The following RIPOR2 variants were observed in gnomAD, a reference collection of about 807,000 sequenced individuals.
The protein encoded by RIPOR2 is rho family-interacting cell polarization regulator 2.
RIPOR2 carries 39 observed loss-of-function variants against 114.5 expected under a neutral mutation model. That is an observed-to-expected ratio of 0.34 (90% CI 0.26 to 0.44). RIPOR2 has a LOEUF of 0.44. RIPOR2 is among the 20% of genes least tolerant of loss of function. The pLI is 1.00. For missense variants in RIPOR2, 1,007 were observed against 1,255.1 expected, an observed-to-expected ratio of 0.80 and a Z score of 2.99; for synonymous variants, 445 against 484.4, an observed-to-expected ratio of 0.92 and a Z score of 1.07.
rs75480593 is a variant in RIPOR2, at chr6:24,988,680, T to C, written c.76+53171A>G. ...TTCCCAACATCTGGTTGTGTGTGTGTGTGTGTGTGTTTATCATGCTTTTAG... is the reference window on the plus strand; with the variant it reads ...TTCCCAACATCTGGTTGTGTGTGTGCGTGTGTGTGTTTATCATGCTTTTAG... On this transcript the variant is annotated intron_variant, in intron 1 of 13. Coordinates refer to the RIPOR2 transcript ENST00000510784. Among the ~76,000 whole-genome samples the C allele has an allele frequency of 3.0e-3, 449 of 152,076 alleles. 4 individuals carry two copies. Among genetic ancestry groups the C allele is most frequent in the East Asian group, 0.018 (94 of 5,172 alleles).
Position 24,849,852 on chromosome 6 carries a change from G to A in RIPOR2, c.984C>T (p.Val328=), listed in dbSNP as rs746537183. The change falls in exon 11 of 22, where the codon GTC becomes GTT. Residue 328 remains valine (V), a synonymous_variant. Transcript: ENST00000643898. ...LFAARPQVVA[V]DINDLGTIKL... ...TGATGGTACCAAGGTCATTGATGTC[G>A]ACAGCCACTACCTGAGGTCGGGCTG... 1.7e-5 allele frequency: 27 copies of A among 1,613,694 alleles called. No homozygotes were observed. The highest frequency in any genetic ancestry group is 2.2e-5 in the East Asian group (1 of 44,896).
chr6:24,842,476 T>A (rs945381027), intron 13 of RIPOR2, among the ~76,000 whole-genome samples: 4 of 152,196 alleles, frequency 2.6e-5, no homozygotes, highest in African/African-American at 7.2e-5. Flanking sequence ...GACGGATAAC[T>A]CTGACTCCAA....
chr6:24,855,278 T>G (rs1409960494), intron 8 of RIPOR2, among the ~76,000 whole-genome samples: 2 of 152,130 alleles, frequency 1.3e-5, no homozygotes, highest in Admixed American at 1.3e-4. Context: ...ATCACATACC[T>G]TGGCAGGGAG....
chr6:24,847,936 C>T, intron 12 of RIPOR2, 89 bp downstream of exon 12: 2 of 1,542,688 alleles, frequency 1.3e-6, no homozygotes, highest in African/African-American at 1.4e-5. Flanking sequence ...TTACTAACTC[C>T]CAGCACTGTC....
intron 18 of RIPOR2, among the ~76,000 whole-genome samples, chr6:24,825,925 C>CTTTTTTTTTTTTTTTTTTTTTTCTTT: frequency 7.9e-6 from 1 of 126,300 alleles, no homozygotes; most frequent in Non-Finnish European, 1.6e-5. Flanking sequence ...ATGTTTTTCT[C>CTTTTTTTTTTTTTTTTTTTTTTCTTT]TTTTTTTTTT....
At chr6:24,918,771 A>T (rs2114098621) in intron 1 of RIPOR2, among the ~76,000 whole-genome samples, 1 of 152,300 alleles carries the variant, frequency 6.6e-6, no homozygotes, top group African/African-American at 2.4e-5. Context: ...AAGGGAACAC[A>T]CACCGAAGCC....
chr6:24,878,298 A>T (rs1250982852), intron 1 of RIPOR2, among the ~76,000 whole-genome samples: 3 of 152,126 alleles, frequency 2.0e-5, no homozygotes, highest in African/African-American at 7.2e-5. Flanking sequence ...TAGGTTCATA[A>T]AGCATGCCTG....
chr6:25,001,809 C>T (rs1195395465), intron 1 of RIPOR2, among the ~76,000 whole-genome samples: 12 of 150,272 alleles, frequency 8.0e-5, no homozygotes, highest in Non-Finnish European at 1.6e-4. Flanking sequence ...AAGTGATTCT[C>T]CTGCCTCAGC....
intron 11 of RIPOR2, among the ~76,000 whole-genome samples, chr6:24,849,419 T>C (rs535950830): frequency 1.3e-5 from 2 of 152,358 alleles, no homozygotes; most frequent in Non-Finnish European, 2.9e-5. Flanking sequence ...AATCAGGATT[T>C]TTCTGAGGTC....
At chr6:24,897,631 A>T (rs1007139676) in intron 1 of RIPOR2, among the ~76,000 whole-genome samples, 3 of 152,254 alleles carry the variant, frequency 2.0e-5, no homozygotes, top group Non-Finnish European at 4.4e-5. Flanking sequence ...TCTAAACTTT[A>T]CATGTGTATG....
chr6:24,994,762 T>C (rs557281484), intron 1 of RIPOR2, among the ~76,000 whole-genome samples: 14 of 152,186 alleles, frequency 9.2e-5, no homozygotes, highest in African/African-American at 3.4e-4. Context: ...ACCATGAAAC[T>C]TGCATACCAG....
At chr6:24,842,518 CCT>C (rs757328566) in intron 13 of RIPOR2, among the ~76,000 whole-genome samples, 1 of 152,172 alleles carries the variant, frequency 6.6e-6, no homozygotes, top group Non-Finnish European at 1.5e-5. Flanking sequence ...TTCCCGACCC[CCT>C]GAGAGGGATC....
At chr6:24,894,880 T>C (rs1767708341) in intron 1 of RIPOR2, among the ~76,000 whole-genome samples, 1 of 152,158 alleles carries the variant, frequency 6.6e-6, no homozygotes, top group Admixed American at 6.5e-5. Flanking sequence ...AGAGATGGAT[T>C]TAATGGGTTT....
chr6:24,876,945 A>C (rs1457712644), intron 1 of RIPOR2: 1 of 984,060 alleles, frequency 1.0e-6, no homozygotes, highest in Non-Finnish European at 1.2e-6. Context: ...GAGTCAAAGC[A>C]CATACCATTG....
rs1017895914 is a variant in RIPOR2, at chr6:24,976,590, T to G, written c.76+65261A>C. On this transcript the variant is annotated intron_variant, in intron 1 of 13. Transcript: ENST00000510784. ...ACAAGGTCCCAAAGACAGCAGAAAA[T>G]TTTCGTGCTCTGAGCACTGGAGAGA... The G allele has an allele frequency of 5.9e-5, 95 of 1,605,034 alleles. 1 individual carries two copies. The highest frequency in any genetic ancestry group is 2.7e-4 in the Admixed American group (16 of 59,980).
At chr6:24,990,582 T>C (rs551917832) in intron 1 of RIPOR2, among the ~76,000 whole-genome samples, 39 of 152,386 alleles carry the variant, frequency 2.6e-4, no homozygotes, top group African/African-American at 9.1e-4. Context: ...TTGTCTACTA[T>C]GACCATGATG....
At position 25,022,532 on chromosome 6, in the gene RIPOR2, A is replaced by ATTTTTTTTTTTTTTTTTTT. The variant is rs10564019; in HGVS notation, c.76+19300_76+19318dup. On this transcript the variant is annotated intron_variant, in intron 1 of 13. Transcript: ENST00000510784. ...ACATATAACTAATGTGGTACCTTCC[A>ATTTTTTTTTTTTTTTTTTT]TTTTTTTTTTTTTTTTTTTTTTTTT... Among the ~76,000 whole-genome samples the ATTTTTTTTTTTTTTTTTTT allele has an allele frequency of 5.4e-4, 22 of 40,988 alleles. 2 individuals are homozygous for ATTTTTTTTTTTTTTTTTTT. Among genetic ancestry groups the ATTTTTTTTTTTTTTTTTTT allele is most frequent in the Non-Finnish European group, 9.7e-4 (20 of 20,702 alleles). 26.9% of individuals were successfully genotyped at this position (40,988 alleles called of 152,430 possible).
Position 24,843,054 on chromosome 6 carries a change from C to T in RIPOR2, c.1665G>A (p.Val555=), listed in dbSNP as rs756838134. Residue 555 remains valine (V), a synonymous_variant, in exon 13 of 22, where the codon GTG becomes GTA. Transcript: ENST00000643898. The part of the protein sequence containing the change: ...QLVKRLTSAE[V]PMATDRLLSE... The stretch of plus-strand genomic sequence containing the variant: ...AGAGCAGCCTGTCTGTGGCCATTGG[C>T]ACCTCTGCAGATGTGAGCCTCTTGA... The T allele has an allele frequency of 1.5e-5, 24 of 1,613,232 alleles. No homozygotes were observed. The highest frequency in any genetic ancestry group is 2.0e-5 in the Non-Finnish European group (23 of 1,179,340).
intron 11 of RIPOR2, 32 bp downstream of exon 11, chr6:24,849,770 C>T: frequency 6.3e-7 from 1 of 1,586,202 alleles, no homozygotes; most frequent in Middle Eastern, 1.7e-4. Context: ...TCAGATATTT[C>T]TATATGATGA....
Sources: allele counts gnomAD v4.1 joint callset (sites outside exome capture counted in the v4.1 genomes callset), GRCh38; gene constraint gnomAD v4.1.1; transcripts MANE v1.5; gene names NCBI Gene and HGNC (gene_info 2026-07-23, HGNC 2026-07-21).